ERC2: variants seen among roughly 807,000 people sequenced by gnomAD.
ERC2 encodes the protein ERC protein 2.
ERC2 carries 42 observed loss-of-function variants against 114.8 expected under a neutral mutation model. The ratio of observed to expected loss-of-function variants is 0.37; its 90% confidence interval spans 0.29 to 0.47. The LOEUF (loss-of-function observed/expected upper bound fraction) is 0.47, where lower values mean the gene tolerates loss of function less well. ERC2 is among the 20% of genes least tolerant of loss of function. The pLI is 0.99. For missense variants in ERC2, 939 were observed against 1,150.7 expected (o/e 0.82, Z 2.66); for synonymous variants, 454 against 425.5 (o/e 1.07, Z -0.82).
chr3:56,199,129 C>T (rs372113265), intron 3 of ERC2, among the ~76,000 whole-genome samples: 7 of 152,080 alleles, frequency 4.6e-5, no homozygotes, highest in African/African-American at 1.7e-4. Context: ...CAGCTGAAAA[C>T]AAGGAAGCAA....
intron 12 of ERC2, among the ~76,000 whole-genome samples, chr3:55,981,206 A>G (rs1210865134): frequency 6.6e-6 from 1 of 152,224 alleles, no homozygotes; most frequent in Non-Finnish European, 1.5e-5. Flanking sequence ...TTCCATCCCC[A>G]ATAAAATATT....
intron 3 of ERC2, among the ~76,000 whole-genome samples, chr3:56,246,940 A>G (rs2051750402): frequency 6.6e-6 from 1 of 152,266 alleles, no homozygotes; most frequent in Non-Finnish European, 1.5e-5. Flanking sequence ...AACAATCCAT[A>G]TGAGTATGAC....
chr3:55,772,471 C>T (rs1442868713), intron 14 of ERC2, among the ~76,000 whole-genome samples: 2 of 152,206 alleles, frequency 1.3e-5, no homozygotes, highest in African/African-American at 2.4e-5. Flanking sequence ...CCCGCCACCA[C>T]GCCTGGCTAA....
intron 14 of ERC2, among the ~76,000 whole-genome samples, chr3:55,856,185 G>A (rs1272223193): frequency 6.6e-6 from 1 of 152,200 alleles, no homozygotes; most frequent in African/African-American, 2.4e-5. Context: ...AGTCACCCCA[G>A]TTTTGTGTCT....
chr3:55,570,023 T>C (rs2056617992), intron 17 of ERC2, among the ~76,000 whole-genome samples: 3 of 152,044 alleles, frequency 2.0e-5, no homozygotes, highest in Non-Finnish European at 4.4e-5. Flanking sequence ...CATGCCTGGC[T>C]AGCTTTTTGT....
At chr3:56,060,090 T>C (rs2076184491) in intron 7 of ERC2, among the ~76,000 whole-genome samples, 1 of 152,240 alleles carries the variant, frequency 6.6e-6, no homozygotes, top group African/African-American at 2.4e-5. Context: ...ATCAAAGTCA[T>C]AATTTTACCA....
chr3:55,869,042 C>T (rs2062450006), intron 14 of ERC2, among the ~76,000 whole-genome samples: 1 of 152,060 alleles, frequency 6.6e-6, no homozygotes, highest in Non-Finnish European at 1.5e-5. Context: ...TAAATTATTC[C>T]TAATACCTTC....
chr3:55,804,082 T>C (rs1161966521), intron 14 of ERC2, among the ~76,000 whole-genome samples: 1 of 152,222 alleles, frequency 6.6e-6, no homozygotes, highest in East Asian at 1.9e-4. Context: ...AAAATTTTTT[T>C]ATGTGTAGTA....
At chr3:55,820,145 C>T (rs1011115458) in intron 14 of ERC2, among the ~76,000 whole-genome samples, 3 of 152,086 alleles carry the variant, frequency 2.0e-5, no homozygotes, top group African/African-American at 7.2e-5. Context: ...CACGTGGGGT[C>T]TAGAAGTGGA....
chr3:56,048,062 T>A (rs2075566690), intron 7 of ERC2, among the ~76,000 whole-genome samples: 1 of 152,200 alleles, frequency 6.6e-6, no homozygotes, highest in African/African-American at 2.4e-5. Flanking sequence ...AACAAATTAA[T>A]AAGAACAATT....
At chr3:55,710,346 G>A (rs1223295321) in intron 15 of ERC2, among the ~76,000 whole-genome samples, 1 of 152,132 alleles carries the variant, frequency 6.6e-6, no homozygotes, top group Non-Finnish European at 1.5e-5. Context: ...CTTCTCCTGC[G>A]ATAACTTACC....
chr3:56,463,594 A>C (rs539660018), intron 1 of ERC2, among the ~76,000 whole-genome samples: 1 of 152,362 alleles, frequency 6.6e-6, no homozygotes, highest in East Asian at 1.9e-4. Context: ...ATCTTATGGA[A>C]AGTGCTAAGC....
At chr3:55,855,229 T>A (rs775868040) in intron 14 of ERC2, among the ~76,000 whole-genome samples, 14 of 152,158 alleles carry the variant, frequency 9.2e-5, no homozygotes, top group Non-Finnish European at 1.6e-4. Flanking sequence ...GACTGAAATC[T>A]GCGATCCTGA....
chr3:56,257,663 T>C (rs140429774), intron 3 of ERC2, among the ~76,000 whole-genome samples: 5 of 152,382 alleles, frequency 3.3e-5, no homozygotes, highest in African/African-American at 9.6e-5. Context: ...TTTTCGGCCA[T>C]TGCCTTGCAT....
intron 17 of ERC2, among the ~76,000 whole-genome samples, chr3:55,668,991 C>A (rs1204614159): frequency 1.3e-5 from 2 of 152,186 alleles, no homozygotes; most frequent in African/African-American, 4.8e-5. Flanking sequence ...CAACGGTTAT[C>A]CCTCCCAGTG....
chr3:55,844,117 C>T (rs780169631), intron 14 of ERC2, among the ~76,000 whole-genome samples: 6 of 152,130 alleles, frequency 3.9e-5, no homozygotes, highest in Non-Finnish European at 8.8e-5. Flanking sequence ...GCTGTGAGGT[C>T]CACTTTCATG....
chr3:56,035,498 A>G (rs768259939), intron 7 of ERC2, among the ~76,000 whole-genome samples: 2 of 152,234 alleles, frequency 1.3e-5, no homozygotes, highest in Non-Finnish European at 2.9e-5. Flanking sequence ...TGGAGACTTA[A>G]TCCACAATGC....
intron 7 of ERC2, among the ~76,000 whole-genome samples, chr3:56,026,527 G>A (rs952259132): frequency 1.3e-5 from 2 of 152,186 alleles, no homozygotes; most frequent in Non-Finnish European, 2.9e-5. Flanking sequence ...ATGATGAGGA[G>A]GAGGAGGAGG....
At chr3:55,718,599 C>A (rs970661663) in intron 15 of ERC2, among the ~76,000 whole-genome samples, 1 of 152,156 alleles carries the variant, frequency 6.6e-6, no homozygotes, top group Admixed American at 6.5e-5. Flanking sequence ...ATGTGGAATG[C>A]CTGACTTCCA....
Sources: allele counts gnomAD v4.1 joint callset (sites outside exome capture counted in the v4.1 genomes callset), GRCh38; gene constraint gnomAD v4.1.1; transcripts MANE v1.5; gene names NCBI Gene and HGNC (gene_info 2026-07-23, HGNC 2026-07-21).